The following DIAPH2 variants were observed in gnomAD, a reference collection of about 807,000 sequenced individuals.
The protein encoded by DIAPH2 is protein diaphanous homolog 2.
DIAPH2 carries 35 observed loss-of-function variants against 92.7 expected under a neutral mutation model. That is an observed-to-expected ratio of 0.38 (90% CI 0.29 to 0.50). The LOEUF is 0.50. Among genes scored for constraint, DIAPH2 ranks in the 20% least tolerant of loss-of-function variants. DIAPH2 has a pLI of 0.94. For missense variants in DIAPH2, 701 were observed against 819.5 expected (o/e 0.86, Z 1.77); for synonymous variants, 301 against 280.4 (o/e 1.07, Z -0.73).
chrX:97,260,802 T>C (rs1376581701), intron 23 of DIAPH2, among the ~76,000 whole-genome samples: 1 of 111,620 alleles, frequency 9.0e-6, no homozygotes, highest in Non-Finnish European at 1.9e-5. Context: ...AGCTAAGAGG[T>C]TCGAATAGAT....
At chrX:97,264,356 C>A (rs1452234081) in intron 23 of DIAPH2, among the ~76,000 whole-genome samples, 2 of 111,523 alleles carry the variant, frequency 1.8e-5, no homozygotes, top group Non-Finnish European at 3.8e-5. Context: ...AATAAATGCA[C>A]ATATGCCTCT....
At chrX:97,238,724 A>G (rs1426256237) in intron 22 of DIAPH2, among the ~76,000 whole-genome samples, 1 of 111,430 alleles carries the variant, frequency 9.0e-6, no homozygotes, top group East Asian at 2.8e-4. Context: ...GTATAAACAC[A>G]TTTGCTTCAT....
At chrX:96,801,954 C>G (rs1379430338) in intron 4 of DIAPH2, among the ~76,000 whole-genome samples, 1 of 111,566 alleles carries the variant, frequency 9.0e-6, no homozygotes, top group Non-Finnish European at 1.9e-5. Context: ...TGAGTTATCT[C>G]AAAGTGAATG....
intron 26 of DIAPH2, among the ~76,000 whole-genome samples, chrX:97,515,034 C>T (rs1258988068): frequency 1.8e-5 from 2 of 110,776 alleles, no homozygotes; most frequent in African/African-American, 6.5e-5. Flanking sequence ...GTGGTGGGCT[C>T]CACCCAGTTC....
intron 4 of DIAPH2, among the ~76,000 whole-genome samples, chrX:96,824,491 A>G (rs1304151888): frequency 1.8e-5 from 2 of 111,196 alleles, no homozygotes; most frequent in African/African-American, 3.3e-5. Context: ...TCTTAAAAAA[A>G]AAAAACAAAT....
At chrX:97,498,201 A>G (rs982101517) in intron 26 of DIAPH2, among the ~76,000 whole-genome samples, 2 of 111,708 alleles carry the variant, frequency 1.8e-5, no homozygotes, top group Non-Finnish European at 3.8e-5. Context: ...TTTTCTGTCT[A>G]TCTAATTCTT....
chrX:97,225,976 C>T (rs2067961930), intron 22 of DIAPH2, among the ~76,000 whole-genome samples: 1 of 111,543 alleles, frequency 9.0e-6, no homozygotes, highest in Admixed American at 9.6e-5. Context: ...TATTACACAG[C>T]TGCTCTAGAG....
chrX:97,185,355 G>GTATATATATATATATATATA (rs1320825418), intron 22 of DIAPH2, among the ~76,000 whole-genome samples: 2 of 10,360 alleles, frequency 1.9e-4, no homozygotes, highest in African/African-American at 1.6e-3. Flanking sequence ...ATATATATGT[G>GTATATATATATATATATATA]TGTATATATA....
intron 24 of DIAPH2, among the ~76,000 whole-genome samples, chrX:97,368,899 C>CTTTTTT (rs386417287): frequency 0.012 from 632 of 51,979 alleles, 46 homozygotes; most frequent in Middle Eastern, 0.032. Flanking sequence ...TCTACCCTTT[C>CTTTTTT]TTTTTTTTTT....
chrX:97,083,140 T>C (rs2066759082), intron 19 of DIAPH2, among the ~76,000 whole-genome samples: 1 of 112,191 alleles, frequency 8.9e-6, no homozygotes. Context: ...AAAATAGAAA[T>C]GTACCTAGTT....
intron 25 of DIAPH2, among the ~76,000 whole-genome samples, chrX:97,412,712 T>TA (rs1314310371): frequency 9.0e-6 from 1 of 111,369 alleles, no homozygotes; most frequent in Non-Finnish European, 1.9e-5. Context: ...TAAAAAATGA[T>TA]AAAGGGGGTA....
intron 4 of DIAPH2, among the ~76,000 whole-genome samples, chrX:96,855,947 T>C (rs1180021993): frequency 8.9e-6 from 1 of 112,002 alleles, no homozygotes; most frequent in Non-Finnish European, 1.9e-5. Context: ...AATCTAAATT[T>C]TATTTAAAAT....
chrX:97,131,485 G>A (rs763171738), intron 21 of DIAPH2, among the ~76,000 whole-genome samples: 7 of 111,578 alleles, frequency 6.3e-5, no homozygotes, highest in African/African-American at 2.3e-4. Flanking sequence ...TTTATCTACA[G>A]TGTATAGACA....
At chrX:97,006,540 C>G (rs2066183883) in intron 17 of DIAPH2, among the ~76,000 whole-genome samples, 1 of 112,054 alleles carries the variant, frequency 8.9e-6, no homozygotes, top group African/African-American at 3.2e-5. Context: ...ATGACCTTGT[C>G]TCTCTCTTCT....
chrX:97,247,809 T>G lies in DIAPH2; in HGVS notation c.2814T>G (p.Asn938Lys). ...TCAAGAAATTCCCCCAAGCAGAAAA[T>G]CAACACGATAAGTTTGTGGAAAAGA... is the stretch of plus-strand genomic sequence containing the variant. ...RDIKKFPQAE[N>K]QHDKFVEKMT... The change falls in exon 23 of 27, where the codon AAT (asparagine) becomes AAG (lysine). Residue 938 changes from asparagine to lysine, a missense_variant. By Grantham distance (94) the Asn-to-Lys change is moderately conservative. Around this residue, in one of 3 missense-constraint regions of DIAPH2, gnomAD observed 536 missense variants for 599.3 expected, o/e 0.89. Coordinates refer to ENST00000324765, the MANE Select transcript of DIAPH2 (RefSeq NM_006729.5). 8.3e-7 allele frequency: 1 copy of G among 1,209,232 alleles called. No homozygotes were observed. The highest frequency in any genetic ancestry group is 1.1e-6 in the Non-Finnish European group (1 of 894,179).
In DIAPH2 at chrX:96,865,035, G is replaced by A. The variant is rs1308976198; in HGVS notation, c.448-16544G>A. Among the ~76,000 whole-genome samples, 3 of 111,946 alleles carry A rather than the reference G, an allele frequency of 2.7e-5. No individual in the cohort carries two copies. The East Asian group carries it at 8.4e-4, about 31-fold the overall frequency. ...CTGAAATCTATCCAAAATCTGAATG[G>A]TAGAAATTAACTATTATACTTTCAA... On this transcript the variant is annotated intron_variant, in intron 4 of 26. Coordinates refer to ENST00000324765, the MANE Select transcript of DIAPH2 (RefSeq NM_006729.5).
At chrX:97,502,700 TA>T (rs1267174805) in intron 26 of DIAPH2, among the ~76,000 whole-genome samples, 4 of 112,855 alleles carry the variant, frequency 3.5e-5, no homozygotes, top group South Asian at 7.3e-4. Flanking sequence ...ACTTTAGACT[TA>T]CTTCTGGAAT....
intron 26 of DIAPH2, among the ~76,000 whole-genome samples, chrX:97,478,833 TTTG>T (rs1465247414): frequency 8.9e-6 from 1 of 112,133 alleles, no homozygotes; most frequent in Non-Finnish European, 1.9e-5. Context: ...TTTCAGTTTC[TTTG>T]TTGTTCTGTT....
chrX:97,045,149 G>A (rs1206848141), intron 17 of DIAPH2, among the ~76,000 whole-genome samples: 1 of 111,933 alleles, frequency 8.9e-6, no homozygotes, highest in Non-Finnish European at 1.9e-5. Context: ...ACTTGCTGAT[G>A]AATTGGATTT....
Sources: gnomAD v4.1 joint callset for allele counts (sites outside exome capture counted in the v4.1 genomes callset) on GRCh38, gnomAD v4.1.1 for gene constraint, gnomAD v4.1.1 regional missense constraint, MANE v1.5 for transcripts, NCBI Gene and HGNC (gene_info 2026-07-23, HGNC 2026-07-21) for gene names.